Variants in ODAD2 observed in about 807,000 individuals in gnomAD.
The protein encoded by ODAD2 is outer dynein arm-docking complex subunit 2.
ODAD2 carries 89 observed loss-of-function variants against 106.8 expected under a neutral mutation model. The ratio of observed to expected loss-of-function variants is 0.83; its 90% CI spans 0.70 to 0.99. ODAD2 has a LOEUF of 0.99. Among genes scored for constraint, ODAD2 ranks in the 50% least tolerant of loss-of-function variants. The probability of loss-of-function intolerance (pLI) is 0.00; values close to 1 mark genes in which losing one functional copy is unlikely to be tolerated. For synonymous variants in ODAD2, 404 were observed against 436.2 expected, an observed-to-expected ratio of 0.93 and a Z score of 0.92; for missense variants, 1,168 against 1,238.5, an observed-to-expected ratio of 0.94 and a Z score of 0.85.
intron 18 of ODAD2, among the ~76,000 whole-genome samples, chr10:27,861,406 T>C (rs1361827736): frequency 1.3e-5 from 2 of 152,228 alleles, no homozygotes; most frequent in Non-Finnish European, 2.9e-5. Context: ...CTGACATCAG[T>C]CATTAGCTCA....
At chr10:27,979,139 G>T (rs572002107) in intron 7 of ODAD2, among the ~76,000 whole-genome samples, 20 of 151,288 alleles carry the variant, frequency 1.3e-4, no homozygotes, top group African/African-American at 4.9e-4. Context: ...GAACCCGGGA[G>T]GGGAGGTGAA....
intron 17 of ODAD2, among the ~76,000 whole-genome samples, chr10:27,900,277 C>G (rs1156834415): frequency 6.6e-6 from 1 of 152,102 alleles, no homozygotes; most frequent in East Asian, 1.9e-4. Context: ...TCAACATCAA[C>G]AAAAAGGACG....
intron 16 of ODAD2, among the ~76,000 whole-genome samples, chr10:27,915,132 A>G (rs1844270497): frequency 6.6e-6 from 1 of 152,138 alleles, no homozygotes; most frequent in Admixed American, 6.6e-5. Context: ...AATATAAATG[A>G]AAGTAAAAAC....
intron 17 of ODAD2, among the ~76,000 whole-genome samples, chr10:27,879,094 T>C (rs1413012586): frequency 6.6e-6 from 1 of 152,062 alleles, no homozygotes; most frequent in Non-Finnish European, 1.5e-5. Flanking sequence ...AAAAAATAAA[T>C]GGAATGGTTG....
At chr10:27,951,578 C>T (rs1037061970) in intron 10 of ODAD2, among the ~76,000 whole-genome samples, 1 of 151,642 alleles carries the variant, frequency 6.6e-6, no homozygotes, top group Non-Finnish European at 1.5e-5. Context: ...TAGATGCATA[C>T]CTTCTATTAT....
intron 19 of ODAD2, among the ~76,000 whole-genome samples, chr10:27,830,128 C>T (rs1365839826): frequency 3.3e-5 from 5 of 152,154 alleles, no homozygotes; most frequent in African/African-American, 1.2e-4. Flanking sequence ...AGTACCTTCT[C>T]CAACTCCATG....
At chr10:27,948,054 C>A (rs114247130) in intron 10 of ODAD2, among the ~76,000 whole-genome samples, 1 of 152,078 alleles carries the variant, frequency 6.6e-6, no homozygotes, top group Non-Finnish European at 1.5e-5. Context: ...AAATTCATAA[C>A]GGCCATTTAA....
chr10:27,818,430 G>C (rs1836313804), intron 19 of ODAD2, among the ~76,000 whole-genome samples: 2 of 151,886 alleles, frequency 1.3e-5, no homozygotes, highest in Admixed American at 6.6e-5. Flanking sequence ...ACAAAATATA[G>C]CAGAAAAACT....
chr10:27,885,353 T>C (rs1050663330), intron 17 of ODAD2, among the ~76,000 whole-genome samples: 1 of 145,412 alleles, frequency 6.9e-6, no homozygotes, highest in Non-Finnish European at 1.5e-5. Flanking sequence ...CTACTAAAAA[T>C]ACAATAATTA....
rs1396729138 is a variant in ODAD2 at position 27,935,240 on chromosome 10, G to A, written c.2265C>T (p.Tyr755=). ...SKENVTKFRE[Y]KAIETLVGLL... ...GTCCCACCAAGGTTTCAATGGCTTT[G>A]TATTCCCGAAACCTAAGTTCATCAT... Residue 755 remains tyrosine (Y), a synonymous_variant, in exon 16 of 20, where the codon TAC becomes TAT. Coordinates refer to ENST00000305242, the MANE Select transcript of ODAD2 (RefSeq NM_018076.5). 1 of 1,613,716 alleles carries A rather than the reference G, an allele frequency of 6.2e-7. No homozygotes were observed. The highest frequency in any genetic ancestry group is 8.5e-7 in the Non-Finnish European group (1 of 1,179,806).
rs115792428 is a variant in ODAD2 at position 27,858,968 on chromosome 10, A to C, written c.3021+1657T>G. Among the ~76,000 whole-genome samples, 203 of 151,982 alleles carry C rather than the reference A, an allele frequency of 1.3e-3. 1 individual carries two copies. Among genetic ancestry groups the C allele is most frequent in the African/African-American group, 4.8e-3 (197 of 41,470 alleles). On this transcript the variant is annotated intron_variant, in intron 19 of 19. Coordinates refer to ENST00000305242, the MANE Select transcript of ODAD2 (RefSeq NM_018076.5). ...ACAGGTGCATGCCTATACATTTTTA[A>C]ACTTTTTGAGCTTAAACTAACTGAC... is the stretch of plus-strand genomic sequence containing the variant.
chr10:27,824,674 T>C (rs192560645), intron 19 of ODAD2, among the ~76,000 whole-genome samples: 6 of 152,322 alleles, frequency 3.9e-5, no homozygotes, highest in African/African-American at 1.4e-4. Context: ...AAACAATCCA[T>C]AGGTTTCCTC....
At chr10:27,907,846 A>T in intron 16 of ODAD2, 69 bp from the exon 17 acceptor site, 1 of 1,057,536 alleles carries the variant, frequency 9.5e-7, no homozygotes, top group Non-Finnish European at 1.4e-6. Flanking sequence ...TTAATGACCC[A>T]CTTATTTAAT....
chr10:27,963,100 C>A (rs186030758), intron 9 of ODAD2, among the ~76,000 whole-genome samples: 3 of 151,762 alleles, frequency 2.0e-5, no homozygotes, highest in Non-Finnish European at 4.4e-5. Context: ...CTCCGCCTGC[C>A]GGGTTCATGT....
chr10:27,859,836 TAAACAAAC>T (rs543670883), intron 19 of ODAD2, among the ~76,000 whole-genome samples: 20 of 152,252 alleles, frequency 1.3e-4, no homozygotes, highest in East Asian at 5.8e-4. Context: ...TGCACAGATT[TAAACAAAC>T]AAACAAACAA....
chr10:27,940,826 A>C (rs1846363837), intron 12 of ODAD2, 21 bp from the exon 13 acceptor site: 1 of 1,603,576 alleles, frequency 6.2e-7, no homozygotes, highest in Non-Finnish European at 8.5e-7. Context: ...AGATAAATCC[A>C]ATGTTCATGG....
intron 19 of ODAD2, among the ~76,000 whole-genome samples, chr10:27,817,068 A>G (rs974560356): frequency 6.6e-6 from 1 of 152,110 alleles, no homozygotes; most frequent in African/African-American, 2.4e-5. Flanking sequence ...AGTTTTATAC[A>G]TACACACAGA....
intron 17 of ODAD2, among the ~76,000 whole-genome samples, chr10:27,889,270 TTCACACTCGGGGTAG>T (rs1207512524): frequency 2.0e-5 from 3 of 152,086 alleles, no homozygotes; most frequent in Non-Finnish European, 2.9e-5. Context: ...TAAGGAAGAT[TTCACACTCGGGGTAG>T]TTGCTAAAGC....
chr10:27,971,764 T>C (rs1198721580), intron 7 of ODAD2, among the ~76,000 whole-genome samples: 2 of 152,138 alleles, frequency 1.3e-5, no homozygotes, highest in Non-Finnish European at 2.9e-5. Context: ...GTAATATCTT[T>C]AAAGCACTAA....
Sources: allele counts gnomAD v4.1 joint callset (sites outside exome capture counted in the v4.1 genomes callset), GRCh38; gene constraint gnomAD v4.1.1; transcripts MANE v1.5; gene names NCBI Gene and HGNC (gene_info 2026-07-23, HGNC 2026-07-21).